Variants in PCDHGA2 observed in about 807,000 individuals in gnomAD.
The protein encoded by PCDHGA2 is protocadherin gamma subfamily A, 2.
PCDHGA2 carries 40 observed loss-of-function variants against 59.2 expected under a neutral mutation model. The observed-to-expected ratio is 0.68, with a 90% CI of 0.52 to 0.88. PCDHGA2 has a LOEUF of 0.88. PCDHGA2 is among the 40% of genes least tolerant of loss of function. PCDHGA2 has a pLI of 0.00. For synonymous variants in PCDHGA2, 560 were observed against 526.0 expected (o/e 1.06, Z -0.89); for missense variants, 1,226 against 1,204.0 (o/e 1.02, Z -0.27).
chr5:141,355,887 C>G, intron 1 of PCDHGA2: 1 of 1,613,492 alleles, frequency 6.2e-7, no homozygotes, highest in South Asian at 1.1e-5. Context: ...CCAGGATTCT[C>G]ATAATACTTG....
At chr5:141,375,787 C>T (rs759753735) in intron 1 of PCDHGA2, 1 of 1,614,256 alleles carries the variant, frequency 6.2e-7, no homozygotes, top group South Asian at 1.1e-5. Flanking sequence ...CCGCCCTCCC[C>T]ACAGACGGTT....
In PCDHGA2 at chr5:141,491,533, C is replaced by G. The variant is rs758270791; in HGVS notation, c.2425-3274C>G. 4.3e-6 allele frequency: 7 copies of G among 1,614,010 alleles called. No homozygotes were observed. The highest frequency in any genetic ancestry group is 5.1e-6 in the Non-Finnish European group (6 of 1,180,028). ...GCTCAAGTACATGGAGGTGACGCTGCGGCCCACAGACTCGCAGAGCCACTG... is the reference window on the plus strand; with the variant it reads ...GCTCAAGTACATGGAGGTGACGCTGGGGCCCACAGACTCGCAGAGCCACTG... On this transcript the variant is annotated intron_variant, in intron 1 of 3. Transcript: ENST00000394576. The surrounding 1 kb of genome is among the most constrained non-coding windows in gnomAD (Gnocchi z 6.9).
chr5:141,376,207 C>T lies in PCDHGA2; in HGVS notation c.2424+34812C>T. On this transcript the variant is annotated intron_variant, in intron 1 of 3. Coordinates refer to ENST00000394576, the MANE Select transcript of PCDHGA2 (RefSeq NM_018915.4). ...TCTCCTGCGTCTTCCTGGCCTTCGT[C>T]ATCGTGCTGCTGGCGCTCAGACTGC... 1.9e-6 allele frequency: 3 copies of T among 1,614,208 alleles called. No homozygotes were observed. The African/African-American group carries it at 4.0e-5, about 22-fold the overall frequency.
At chr5:141,364,212 A>T in intron 1 of PCDHGA2, 1 of 1,252,416 alleles carries the variant, frequency 8.0e-7, no homozygotes, top group South Asian at 1.7e-5. Flanking sequence ...ACAAGCTCCT[A>T]CGAAAAGCCA....
In PCDHGA2 at chr5:141,492,378, C is replaced by T. The variant is rs144479033; in HGVS notation, c.2425-2429C>T. Among the ~76,000 whole-genome samples the T allele has an allele frequency of 1.7e-3, 262 of 152,360 alleles. 2 individuals are homozygous for T. The highest frequency in any genetic ancestry group is 3.0e-3 in the Non-Finnish European group (207 of 68,026). On this transcript the variant is annotated intron_variant, in intron 1 of 3. Coordinates refer to ENST00000394576, the MANE Select transcript of PCDHGA2 (RefSeq NM_018915.4). ...CTCGCTCGCGGCCAGATTCACAGGCCTGTTCCGGTCCACTCGCAGCTCCCC... is the reference window on the plus strand; with the variant it reads ...CTCGCTCGCGGCCAGATTCACAGGCTTGTTCCGGTCCACTCGCAGCTCCCC...
At chr5:141,445,427 C>G (rs964779092) in intron 1 of PCDHGA2, among the ~76,000 whole-genome samples, 4 of 152,152 alleles carry the variant, frequency 2.6e-5, no homozygotes, top group African/African-American at 9.7e-5. Flanking sequence ...ATATGCAAGG[C>G]ACTGACCTAT....
chr5:141,433,643 C>A (rs899772934), intron 1 of PCDHGA2, among the ~76,000 whole-genome samples: 13 of 152,070 alleles, frequency 8.5e-5, no homozygotes, highest in African/African-American at 2.7e-4. Context: ...TGAGACCAGC[C>A]TGACCAACAT....
intron 1 of PCDHGA2, among the ~76,000 whole-genome samples, chr5:141,349,439 A>G (rs1021384495): frequency 6.6e-5 from 10 of 152,170 alleles, no homozygotes; most frequent in African/African-American, 2.2e-4. Flanking sequence ...ATGAGATTCC[A>G]CTTCATAAAA....
chr5:141,408,540 C>G (rs201370009), intron 1 of PCDHGA2: 4 of 1,613,928 alleles, frequency 2.5e-6, no homozygotes, highest in Non-Finnish European at 3.4e-6. Flanking sequence ...GTGGAAAATC[C>G]TTTAAATATT....
At chr5:141,408,008 C>A in intron 1 of PCDHGA2, 2 of 949,842 alleles carry the variant, frequency 2.1e-6, no homozygotes, top group Non-Finnish European at 3.0e-6. Context: ...GGATTCCCTG[C>A]GCAGCCAACA....
At chr5:141,358,963 C>A (rs938791914) in intron 1 of PCDHGA2, among the ~76,000 whole-genome samples, 1 of 152,156 alleles carries the variant, frequency 6.6e-6, no homozygotes, top group Admixed American at 6.5e-5. Context: ...CATTTAGGTT[C>A]TGTGAGAATT....
At chr5:141,510,322 A>G (rs62379243) in intron 3 of PCDHGA2, among the ~76,000 whole-genome samples, 36,300 of 150,290 alleles carry the variant, frequency 0.24, 4,456 homozygotes, top group Admixed American at 0.32. Flanking sequence ...TTGGAAGAGC[A>G]CTCTTCACCC....
At chr5:141,415,066 C>A in intron 1 of PCDHGA2, 1 of 1,613,410 alleles carries the variant, frequency 6.2e-7, no homozygotes, top group Non-Finnish European at 8.5e-7. Flanking sequence ...GGGCGAGGTG[C>A]GCACGGCGCG....
chr5:141,468,983 AATT>A (rs958294955), intron 1 of PCDHGA2, among the ~76,000 whole-genome samples: 5 of 148,376 alleles, frequency 3.4e-5, no homozygotes, highest in Admixed American at 6.8e-5. Context: ...TGACTTCCAA[AATT>A]ATTGTTTTTG....
At chr5:141,371,584 A>C in intron 1 of PCDHGA2, 1 of 1,613,962 alleles carries the variant, frequency 6.2e-7, no homozygotes, top group Non-Finnish European at 8.5e-7. Flanking sequence ...ATCGTTCAAG[A>C]TACCAAAAAC....
chr5:141,408,846 TGGACGGA>T, intron 1 of PCDHGA2: 1 of 1,613,698 alleles, frequency 6.2e-7, no homozygotes, highest in Non-Finnish European at 8.5e-7. Flanking sequence ...TTGACTGCCT[TGGACGGA>T]GGGGACCCAC....
At chr5:141,381,785 G>T (rs1349926565) in intron 1 of PCDHGA2, among the ~76,000 whole-genome samples, 1 of 149,782 alleles carries the variant, frequency 6.7e-6, no homozygotes, top group Non-Finnish European at 1.5e-5. Context: ...CAGGAACAAG[G>T]CAAGGCAATT....
At chr5:141,482,530 C>CTAAAAA in intron 1 of PCDHGA2, among the ~76,000 whole-genome samples, 1 of 76,560 alleles carries the variant, frequency 1.3e-5, no homozygotes, top group African/African-American at 4.8e-5. Context: ...GACAGACATG[C>CTAAAAA]AAAAAAAAAA....
At chr5:141,420,275 G>T in intron 1 of PCDHGA2, 1 of 1,524,576 alleles carries the variant, frequency 6.6e-7, no homozygotes, top group Non-Finnish European at 8.9e-7. Flanking sequence ...TCTTAAACAG[G>T]TAAGTATTTA....
Sources: gnomAD v4.1 joint callset for allele counts (sites outside exome capture counted in the v4.1 genomes callset) on GRCh38, gnomAD v4.1.1 for gene constraint, Gnocchi (gnomAD v3.1) non-coding constraint, MANE v1.5 for transcripts, NCBI Gene and HGNC (gene_info 2026-07-23, HGNC 2026-07-21) for gene names.